The following MAD2L2 variants were observed in gnomAD, a reference collection of about 807,000 sequenced individuals.
The protein encoded by MAD2L2 is mitotic spindle assembly checkpoint protein MAD2B.
MAD2L2 carries 17 observed loss-of-function variants against 30.5 expected under a neutral mutation model. The observed-to-expected ratio is 0.56, with a 90% CI of 0.38 to 0.84. The LOEUF (loss-of-function observed/expected upper bound fraction) is 0.84, where lower values mean the gene tolerates loss of function less well. MAD2L2 is among the 40% of genes least tolerant of loss of function. The probability of loss-of-function intolerance (pLI) is 0.00; values close to 1 mark genes in which losing one functional copy is unlikely to be tolerated. For synonymous variants in MAD2L2, 101 were observed against 113.9 expected (o/e 0.89, Z 0.72); for missense variants, 213 against 277.4 (o/e 0.77, Z 1.65).
At chr1:11,689,673 C>T (rs1258451543) in intron 1 of MAD2L2, among the ~76,000 whole-genome samples, 1 of 152,186 alleles carries the variant, frequency 6.6e-6, no homozygotes, top group African/African-American at 2.4e-5. Context: ...AGGAAATAAC[C>T]ATAAAAATGG....
rs1363503705 is a variant in MAD2L2, at chr1:11,688,454, A to G, written c.-692+2959T>C. Among the ~76,000 whole-genome samples, 1 of 152,106 alleles carries G rather than the reference A, an allele frequency of 6.6e-6. No individual in the cohort carries two copies. Among genetic ancestry groups the G allele is most frequent in the African/African-American group, 2.4e-5 (1 of 41,426 alleles). On this transcript the variant is annotated intron_variant, in intron 1 of 10. Transcript: ENST00000235310. The surrounding 1 kb of genome is among the most constrained non-coding windows in gnomAD (Gnocchi z 4.6). The stretch of plus-strand genomic sequence containing the variant: ...CAGGTGCCTGTAGTCACAGCTACTC[A>G]GGAAGCTGAGGCAGGCGAATCGCTT...
intron 1 of MAD2L2, among the ~76,000 whole-genome samples, chr1:11,689,779 C>G (rs1483830202): frequency 2.0e-5 from 3 of 152,106 alleles, no homozygotes; most frequent in Non-Finnish European, 4.4e-5. Flanking sequence ...TGGACTCGCC[C>G]TGAATTATTT....
At chr1:11,686,160 CA>C (rs1292953996) in intron 1 of MAD2L2, among the ~76,000 whole-genome samples, 1 of 152,174 alleles carries the variant, frequency 6.6e-6, no homozygotes. Flanking sequence ...AGGCAGCAGG[CA>C]ACTCCCAAGG....
intron 3 of MAD2L2, among the ~76,000 whole-genome samples, chr1:11,679,709 T>C (rs1354305422): frequency 6.6e-6 from 1 of 152,076 alleles, no homozygotes; most frequent in East Asian, 1.9e-4. Flanking sequence ...GTATTTTTAG[T>C]AGAGACAGGA....
At chr1:11,691,729 A>AC (rs1641072351), upstream of MAD2L2, 1 of 134,522 alleles carries the variant, frequency 7.4e-6, no homozygotes, top group Admixed American at 7.5e-5. Flanking sequence ...CAGCCCGGGC[A>AC]CATCCTCCGG....
At chr1:11,685,899 C>T (rs1304589422), upstream of MAD2L2, among the ~76,000 whole-genome samples, 1 of 151,966 alleles carries the variant, frequency 6.6e-6, no homozygotes, top group Non-Finnish European at 1.5e-5. Flanking sequence ...CTGCAGTGAG[C>T]CATGTTTGTA....
Position 11,677,529 on chromosome 1 carries a change from C to T in MAD2L2, c.231+14G>A. On this transcript the variant is annotated intron_variant, in intron 4 of 8. Transcript: ENST00000376692. ...CATGGGGTGAGATGGCTGGGGAGCC[C>T]AGTGCACCCTCACCTTCTCCAGGAG... 6.2e-7 allele frequency: 1 copy of T among 1,613,344 alleles called. No individual in the cohort carries two copies. The highest frequency in any genetic ancestry group is 8.5e-7 in the Non-Finnish European group (1 of 1,179,484).
chr1:11,689,572 G>A (rs1294627968), intron 1 of MAD2L2, among the ~76,000 whole-genome samples: 3 of 152,122 alleles, frequency 2.0e-5, no homozygotes, highest in Non-Finnish European at 4.4e-5. Flanking sequence ...CTCCAGCCTG[G>A]GTGAGAGCAA....
In MAD2L2 at chr1:11,687,914, T is replaced by C. The variant is rs1049783132; in HGVS notation, c.-692+3499A>G. ...CTTTGGCCCCTCAAGTACCTCATTT[T>C]ACAGACAAGGAAACTGAGGCCCTAA... On this transcript the variant is annotated intron_variant, in intron 1 of 10. Transcript: ENST00000235310. The surrounding 1 kb of genome is among the most constrained non-coding windows in gnomAD (Gnocchi z 4.1). 2.6e-5 allele frequency among the ~76,000 whole-genome samples: 4 copies of C among 152,198 alleles called. No individual in the cohort carries two copies. Among genetic ancestry groups the C allele is most frequent in the African/African-American group, 9.7e-5 (4 of 41,440 alleles).
intron 3 of MAD2L2, among the ~76,000 whole-genome samples, chr1:11,678,213 G>C (rs941022063): frequency 1.3e-5 from 2 of 152,058 alleles, no homozygotes; most frequent in African/African-American, 4.8e-5. Flanking sequence ...TCAGGAGTTT[G>C]AGACCAGCCT....
In MAD2L2 at chr1:11,675,181, A is replaced by T. The variant is rs1640737478; in HGVS notation, c.502-7T>A. ...CCAGGATCCAGGGGAAATCCTAGGGAGGAGACAAAGGTCAGGGGGGTGACG... is the reference window on the plus strand; with the variant it reads ...CCAGGATCCAGGGGAAATCCTAGGGTGGAGACAAAGGTCAGGGGGGTGACG... On this transcript the variant is annotated splice_region_variant and splice_polypyrimidine_tract_variant and intron_variant, in intron 7 of 8. Transcript: ENST00000376692. The T allele has an allele frequency of 6.3e-7, 1 of 1,578,836 alleles. No individual in the cohort carries two copies. The highest frequency in any genetic ancestry group is 1.4e-5 in the African/African-American group (1 of 73,814).
Position 11,687,869 on chromosome 1 carries a change from T to A in MAD2L2, c.-692+3544A>T, listed in dbSNP as rs184758345. Among the ~76,000 whole-genome samples, 1 of 152,208 alleles carries A rather than the reference T, an allele frequency of 6.6e-6. No individual in the cohort carries two copies. Among genetic ancestry groups the A allele is most frequent in the African/African-American group, 2.4e-5 (1 of 41,448 alleles). On this transcript the variant is annotated intron_variant, in intron 1 of 10. Coordinates refer to the MAD2L2 transcript ENST00000235310. This position sits in a 1 kb window ranked among gnomAD's most constrained non-coding sequence, Gnocchi z 4.1. Reference sequence around the variant, plus strand: ...CCACATCTGCTTATCCAGTCATCAGTTGATGAATATTGGAGCCTGCTTTGG... The same window carrying A: ...CCACATCTGCTTATCCAGTCATCAGATGATGAATATTGGAGCCTGCTTTGG...
rs1056393051 is a variant in MAD2L2, at chr1:11,690,606, C to G, written c.-692+807G>C. ...AACCTCAAAGTCATAATTTGCCACA[C>G]GCTGGAGAAAGAAAACAGTCGAAAT... is the stretch of plus-strand genomic sequence containing the variant. On this transcript the variant is annotated intron_variant, in intron 1 of 10. Coordinates refer to the MAD2L2 transcript ENST00000235310. This position sits in a 1 kb window ranked among gnomAD's most constrained non-coding sequence, Gnocchi z 4.2. 6.6e-6 allele frequency among the ~76,000 whole-genome samples: 1 copy of G among 152,198 alleles called. No individual in the cohort carries two copies. Among genetic ancestry groups the G allele is most frequent in the African/African-American group, 2.4e-5 (1 of 41,452 alleles).
chr1:11,680,753 G>T, intron 1 of MAD2L2, 140 bp from the exon 2 acceptor site: 1 of 1,388,374 alleles, frequency 7.2e-7, no homozygotes, highest in Middle Eastern at 2.7e-4. Flanking sequence ...CAGGGCAGCT[G>T]GAAGAACCTC....
upstream of MAD2L2, among the ~76,000 whole-genome samples, chr1:11,684,912 TTCTC>T (rs992009558): frequency 7.1e-6 from 1 of 140,994 alleles, no homozygotes; most frequent in African/African-American, 2.7e-5. Flanking sequence ...CAAATTCAGG[TTCTC>T]TCTCTCTCTC....
Position 11,674,609 on chromosome 1 carries a change from G to A in MAD2L2, c.*166C>T, listed in dbSNP as rs906257952. ...GCGGCATCCCTCACTGCCCTCCTGG[G>A]GGAGGCATCCTCCAAGCAGACCTGA... On this transcript the variant is annotated 3_prime_UTR_variant, in exon 9 of 9. Transcript: ENST00000376692. The surrounding 1 kb of genome is among the most constrained non-coding windows in gnomAD (Gnocchi z 6.1). The A allele has an allele frequency of 1.2e-5, 8 of 661,076 alleles. No homozygotes were observed. Among genetic ancestry groups the A allele is most frequent in the Non-Finnish European group, 2.1e-5 (8 of 382,432 alleles). 41.0% of individuals were successfully genotyped at this position (661,076 alleles called of 1,614,324 possible). A position where few individuals can be genotyped will look rare whatever the true frequency, so the allele number is the denominator to read the frequency against.
chr1:11,680,327 C>A, intron 3 of MAD2L2, 26 bp downstream of exon 3: 2 of 1,587,418 alleles, frequency 1.3e-6, no homozygotes, highest in Non-Finnish European at 1.7e-6. Flanking sequence ...CCTGTACCCA[C>A]TCTGTGGTTC....
At chr1:11,683,428 A>G (rs1261427476), upstream of MAD2L2, among the ~76,000 whole-genome samples, 1 of 152,224 alleles carries the variant, frequency 6.6e-6, no homozygotes, top group East Asian at 1.9e-4. Context: ...CTGGGTTTGC[A>G]AATATCATAT....
chr1:11,676,039 G>C lies in MAD2L2; in HGVS notation c.427+7C>G. On this transcript the variant is annotated splice_region_variant and intron_variant, in intron 6 of 8. Coordinates refer to ENST00000376692, the MANE Select transcript of MAD2L2 (RefSeq NM_006341.4). ...CCAAGGGAAGAGAGGGTGGGGAGTG[G>C]ACACACCTGGGGGGTTGTGGTCCAG... The C allele has an allele frequency of 4.3e-6, 7 of 1,612,250 alleles. No homozygotes were observed. The highest frequency in any genetic ancestry group is 5.1e-6 in the Non-Finnish European group (6 of 1,178,646).
Sources: allele counts gnomAD v4.1 joint callset (sites outside exome capture counted in the v4.1 genomes callset), GRCh38; gene constraint gnomAD v4.1.1; non-coding constraint Gnocchi (gnomAD v3.1); transcripts MANE v1.5; gene names NCBI Gene and HGNC (gene_info 2026-07-23, HGNC 2026-07-21).